DPP6: variants seen among roughly 807,000 people sequenced by gnomAD.
DPP6 encodes the protein dipeptidyl peptidase like 6.
Under a neutral mutation model 122.6 loss-of-function variants are expected in DPP6, and 69 were observed. The ratio of observed to expected loss-of-function variants is 0.56; its 90% CI spans 0.46 to 0.69. The LOEUF (loss-of-function observed/expected upper bound fraction) is 0.69, where lower values mean the gene tolerates loss of function less well. DPP6 is among the 30% of genes least tolerant of loss of function. DPP6 has a pLI of 0.00. For missense variants in DPP6, 928 were observed against 1,116.9 expected (o/e 0.83, Z 2.41); for synonymous variants, 418 against 433.1 (o/e 0.97, Z 0.43).
the DPP6 span, among the ~76,000 whole-genome samples, chr7:153,849,600 T>C: frequency 9.2e-4 from 140 of 152,310 alleles, 1 homozygote; most frequent in African/African-American, 3.3e-3. Context: ...CAAAAGTCTA[T>C]TTAGCAATTT....
At chr7:154,794,266 G>T (rs1245554835) in intron 11 of DPP6, 64 bp downstream of exon 11, 14 of 1,499,494 alleles carry the variant, frequency 9.3e-6, no homozygotes, top group Non-Finnish European at 1.2e-5. Flanking sequence ...CGCGCCCGAG[G>T]TGGCGCCAGA....
chr7:154,402,737 T>G (rs2151189478), intron 1 of DPP6, among the ~76,000 whole-genome samples: 1 of 150,540 alleles, frequency 6.6e-6, no homozygotes, highest in South Asian at 2.1e-4. Flanking sequence ...ACCCTAAAAC[T>G]TAAAGTATAA....
intron 1 of DPP6, among the ~76,000 whole-genome samples, chr7:154,128,104 A>G (rs192119573): frequency 6.6e-6 from 1 of 150,430 alleles, no homozygotes; most frequent in East Asian, 1.9e-4. Context: ...CTTACCCGCA[A>G]CAGGCACAGC....
rs4457246 is a variant in DPP6, at chr7:154,182,327, C to T, written c.243+129264C>T. On this transcript the variant is annotated intron_variant, in intron 1 of 25. Coordinates refer to ENST00000377770, the MANE Select transcript of DPP6 (RefSeq NM_130797.4). Reference sequence around the variant, plus strand: ...AGATCTCCAGGGCTCCAAGAAGAAGCGTTTATTTCTCAGTCTTGCCACATG... The same window carrying T: ...AGATCTCCAGGGCTCCAAGAAGAAGTGTTTATTTCTCAGTCTTGCCACATG... 2.1e-3 allele frequency among the ~76,000 whole-genome samples: 316 copies of T among 152,064 alleles called. 1 individual carries two copies. The highest frequency in any genetic ancestry group is 3.6e-3 in the Non-Finnish European group (243 of 67,966).
intron 1 of DPP6, among the ~76,000 whole-genome samples, chr7:154,060,718 G>T (rs368332779): frequency 7.5e-4 from 56 of 75,148 alleles, no homozygotes; most frequent in South Asian, 8.0e-4. Context: ...CCATCGCAGG[G>T]GGGGAGGCAC....
At position 154,300,305 on chromosome 7, in the gene DPP6, C is replaced by T. The variant is rs1805821957; in HGVS notation, c.244-145909C>T. Among the ~76,000 whole-genome samples the T allele has an allele frequency of 2.0e-5, 3 of 152,174 alleles. No homozygotes were observed. In the South Asian group the frequency reaches 6.2e-4, roughly 32 times the overall value. ...AGTCTTTGCTAAGTGTGTTTATCGG[C>T]CACCACGAGAGTACTTAGCTGCAAA... On this transcript the variant is annotated intron_variant, in intron 1 of 25. Coordinates refer to ENST00000377770, the MANE Select transcript of DPP6 (RefSeq NM_130797.4).
intron 7 of DPP6, among the ~76,000 whole-genome samples, chr7:154,711,143 AC>A (rs1235057957): frequency 7.9e-5 from 12 of 152,270 alleles, no homozygotes; most frequent in Non-Finnish European, 1.6e-4. Flanking sequence ...AATTAAAGAA[AC>A]CTAGGCAATG....
At chr7:154,437,912 G>A (rs1209554589) in intron 1 of DPP6, among the ~76,000 whole-genome samples, 1 of 152,080 alleles carries the variant, frequency 6.6e-6, no homozygotes, top group Non-Finnish European at 1.5e-5. Flanking sequence ...ACTCCAGCCT[G>A]GATGACAGTG....
chr7:154,017,699 T>TA (rs1299925458), intron 1 of DPP6, among the ~76,000 whole-genome samples: 5 of 86,700 alleles, frequency 5.8e-5, no homozygotes, highest in African/African-American at 2.0e-4. Flanking sequence ...GCCCTTGTCC[T>TA]AAAAAAAATA....
chr7:153,921,461 A>G (rs2129008626), intron 1 of DPP6, among the ~76,000 whole-genome samples: 1 of 152,398 alleles, frequency 6.6e-6, no homozygotes, highest in South Asian at 2.1e-4. Context: ...ATTAAAATGA[A>G]TAAAGCACAT....
At chr7:154,654,403 ATCTT>A (rs532655926) in intron 6 of DPP6, among the ~76,000 whole-genome samples, 547 of 37,312 alleles carry the variant, frequency 0.015, 35 homozygotes, top group African/African-American at 0.029. Context: ...CTATATCCAA[ATCTT>A]TCTTTCTTTC....
chr7:153,918,566 G>GTC (rs59605527), intron 1 of DPP6, among the ~76,000 whole-genome samples: 6 of 104,472 alleles, frequency 5.7e-5, no homozygotes, highest in East Asian at 3.0e-4. Context: ...CACACACACA[G>GTC]TCTCTCTCTC....
chr7:154,008,643 A>G (rs1798014965), intron 1 of DPP6, among the ~76,000 whole-genome samples: 1 of 150,560 alleles, frequency 6.6e-6, no homozygotes, highest in African/African-American at 2.4e-5. Flanking sequence ...AGTAATTAGG[A>G]ATATTATTTC....
chr7:154,300,523 A>G (rs1397094960), intron 1 of DPP6, among the ~76,000 whole-genome samples: 3 of 152,230 alleles, frequency 2.0e-5, no homozygotes, highest in Non-Finnish European at 2.9e-5. Flanking sequence ...TCTTAGCAGA[A>G]GCTGGAGTAG....
rs767260907 is a variant in DPP6, at chr7:154,520,554, G to A, written c.458-19978G>A. ...CTTACGCCTGGAGCTTTTTGTCACCGTTGTGTTGATGTAATCTTTGGTCAA... is the reference window on the plus strand; with the variant it reads ...CTTACGCCTGGAGCTTTTTGTCACCATTGTGTTGATGTAATCTTTGGTCAA... On this transcript the variant is annotated intron_variant, in intron 3 of 25. Transcript: ENST00000377770. Among the ~76,000 whole-genome samples the A allele has an allele frequency of 1.4e-4, 22 of 152,338 alleles. 1 individual carries two copies. Among genetic ancestry groups the A allele is most frequent in the South Asian group, 6.2e-4 (3 of 4,826 alleles).
At chr7:154,294,995 G>A (rs144559089) in intron 1 of DPP6, among the ~76,000 whole-genome samples, 38 of 152,354 alleles carry the variant, frequency 2.5e-4, no homozygotes, top group African/African-American at 9.1e-4. Context: ...GAGGAGCATG[G>A]TGGTGCCGTG....
At chr7:154,781,031 T>G (rs866372571) in intron 10 of DPP6, among the ~76,000 whole-genome samples, 5 of 151,870 alleles carry the variant, frequency 3.3e-5, no homozygotes, top group Non-Finnish European at 7.4e-5. Context: ...GACGGATAGA[T>G]GGATGATGAA....
the DPP6 span, among the ~76,000 whole-genome samples, chr7:153,850,609 A>T: frequency 2.6e-5 from 4 of 152,182 alleles, no homozygotes; most frequent in Non-Finnish European, 2.9e-5. Flanking sequence ...TATAAAGGAA[A>T]GAGGTTTCAT....
rs368528639 is a variant in DPP6, at chr7:154,613,573, C to T, written c.628-24248C>T. 6.5e-4 allele frequency among the ~76,000 whole-genome samples: 84 copies of T among 128,714 alleles called. 1 individual carries two copies. The South Asian group carries it at 0.02, about 30-fold the overall frequency. The allele number at this position is 128,714 out of a possible 152,430, so 84.4% of individuals were successfully genotyped here. On this transcript the variant is annotated intron_variant, in intron 5 of 25. Coordinates refer to ENST00000377770, the MANE Select transcript of DPP6 (RefSeq NM_130797.4). ...GGCAGAGGTTGTGGTCAGCAGAGAT[C>T]GTGCAATTGCACTCCAGCCTGGGCA...
Sources: gnomAD v4.1 joint callset for allele counts (sites outside exome capture counted in the v4.1 genomes callset) on GRCh38, gnomAD v4.1.1 for gene constraint, MANE v1.5 for transcripts, NCBI Gene and HGNC (gene_info 2026-07-23, HGNC 2026-07-21) for gene names.